Variants in SNTB2 observed in about 807,000 individuals in gnomAD.
SNTB2 encodes the protein beta-2-syntrophin.
SNTB2 carries 34 observed loss-of-function variants against 46.2 expected under a neutral mutation model. The ratio of observed to expected loss-of-function variants is 0.74; its 90% CI spans 0.56 to 0.98. The LOEUF (loss-of-function observed/expected upper bound fraction) is 0.98. SNTB2 is among the 50% of genes least tolerant of loss of function. SNTB2 has a pLI of 0.00. For missense variants in SNTB2, 603 were observed against 731.4 expected (o/e 0.82, Z 2.02); for synonymous variants, 290 against 312.6 (o/e 0.93, Z 0.76).
chr16:69,246,989 G>A (rs1356043681), intron 2 of SNTB2, among the ~76,000 whole-genome samples: 1 of 149,770 alleles, frequency 6.7e-6, no homozygotes, highest in African/African-American at 2.5e-5. Context: ...CATGGCACAT[G>A]TATATATATG....
intron 1 of SNTB2, chr16:69,240,550 T>C (rs981827136): frequency 7.9e-5 from 12 of 152,232 alleles, no homozygotes; most frequent in African/African-American, 2.7e-4. Flanking sequence ...ACATAACTCA[T>C]TCCTGTGCAA....
chr16:69,206,816 A>G (rs2152291069), intron 1 of SNTB2, among the ~76,000 whole-genome samples: 1 of 151,822 alleles, frequency 6.6e-6, no homozygotes, highest in East Asian at 1.9e-4. Context: ...CCCAGGCTGG[A>G]GTGCAGTGGC....
intron 1 of SNTB2, among the ~76,000 whole-genome samples, chr16:69,188,688 T>G (rs2152287871): frequency 6.6e-6 from 1 of 152,328 alleles, no homozygotes. Flanking sequence ...TTTCTTTCAC[T>G]GGTGATTATG....
intron 5 of SNTB2, among the ~76,000 whole-genome samples, chr16:69,296,101 GA>G (rs1201822738): frequency 1.3e-5 from 2 of 151,990 alleles, no homozygotes; most frequent in East Asian, 3.9e-4. Flanking sequence ...CCAACATGGA[GA>G]AACCCCATCT....
At chr16:69,187,991 A>T (rs1234431536) in intron 1 of SNTB2, among the ~76,000 whole-genome samples, 3 of 152,144 alleles carry the variant, frequency 2.0e-5, no homozygotes, top group Non-Finnish European at 4.4e-5. Flanking sequence ...GCAGCTGCCT[A>T]TGAAGCCCCA....
chr16:69,281,108 A>G (rs1965038853), intron 4 of SNTB2, among the ~76,000 whole-genome samples: 1 of 152,164 alleles, frequency 6.6e-6, no homozygotes, highest in South Asian at 2.1e-4. Flanking sequence ...TTCTCTTAAC[A>G]GTATTTTTTG....
chr16:69,211,980 C>G (rs1379948957), intron 1 of SNTB2, among the ~76,000 whole-genome samples: 3 of 152,090 alleles, frequency 2.0e-5, no homozygotes, highest in Non-Finnish European at 4.4e-5. Flanking sequence ...CTTGGTAGCT[C>G]TTTAAGGAAG....
At chr16:69,209,148 A>T (rs1447709226) in intron 1 of SNTB2, among the ~76,000 whole-genome samples, 1 of 152,000 alleles carries the variant, frequency 6.6e-6, no homozygotes, top group African/African-American at 2.4e-5. Context: ...ATTTTCTTGT[A>T]TTTTTAGTAG....
At chr16:69,238,310 G>A (rs774727994) in intron 1 of SNTB2, among the ~76,000 whole-genome samples, 49 of 152,128 alleles carry the variant, frequency 3.2e-4, no homozygotes, top group Non-Finnish European at 6.3e-4. Context: ...TTTCTTCTGG[G>A]TTTGGTACCC....
At chr16:69,207,070 T>C (rs1409150876) in intron 1 of SNTB2, among the ~76,000 whole-genome samples, 1 of 150,184 alleles carries the variant, frequency 6.7e-6, no homozygotes, top group Non-Finnish European at 1.5e-5. Flanking sequence ...CGCCTGGCCT[T>C]GCATTTTTAT....
chr16:69,241,473 G>A (rs1004460950), intron 1 of SNTB2, among the ~76,000 whole-genome samples: 2 of 148,756 alleles, frequency 1.3e-5, no homozygotes, highest in African/African-American at 4.9e-5. Context: ...ACCATGCTCA[G>A]CACCAGCCTA....
chr16:69,187,338 G>A lies in SNTB2; in HGVS notation c.172G>A (p.Glu58Lys), dbSNP rs1208457500. 1 of 1,444,294 alleles carries A rather than the reference G, an allele frequency of 6.9e-7. No homozygotes were observed. Among genetic ancestry groups the A allele is most frequent in the Non-Finnish European group, 9.1e-7 (1 of 1,100,260 alleles). The allele number at this position is 1,444,294 out of a possible 1,614,324, so 89.5% of individuals were successfully genotyped here. A position where few individuals can be genotyped will look rare whatever the true frequency, so the allele number is the denominator to read the frequency against. ...LSLTGDAAAA[E>K]LEPALGPAAA... ...CCTGACGGGCGACGCCGCCGCGGCC[G>A]AGCTGGAGCCCGCTCTGGGACCCGC... Residue 58 changes from glutamate (E) to lysine (K), a missense_variant, in exon 1 of 7, where the codon GAG (glutamate) becomes AAG (lysine). Physicochemically the swap from Glu to Lys is moderately conservative, Grantham distance 56. This residue lies in a region of SNTB2 where 537 missense variants were observed against 692.4 expected (regional missense o/e 0.78). Coordinates refer to ENST00000336278, the MANE Select transcript of SNTB2 (RefSeq NM_006750.4).
chr16:69,206,957 G>C (rs1481570853), intron 1 of SNTB2, among the ~76,000 whole-genome samples: 1 of 151,488 alleles, frequency 6.6e-6, no homozygotes, highest in Non-Finnish European at 1.5e-5. Context: ...AGTAGAGATG[G>C]GGTTTCACCA....
intron 1 of SNTB2, among the ~76,000 whole-genome samples, chr16:69,237,639 G>A (rs374462163): frequency 1.1e-4 from 11 of 104,096 alleles, no homozygotes; most frequent in East Asian, 5.0e-4. Context: ...GTTTTGCTCT[G>A]TTACCCAGGC....
chr16:69,205,095 G>T (rs996099131), intron 1 of SNTB2, among the ~76,000 whole-genome samples: 9 of 151,546 alleles, frequency 5.9e-5, no homozygotes, highest in African/African-American at 2.2e-4. Context: ...GGGAGGAAAT[G>T]TTGTGTACTT....
chr16:69,198,547 C>T (rs1215040489), intron 1 of SNTB2, among the ~76,000 whole-genome samples: 1 of 152,096 alleles, frequency 6.6e-6, no homozygotes, highest in Admixed American at 6.6e-5. Context: ...ATGTTTCCTC[C>T]CATTATTCTC....
rs967504091 is a variant in SNTB2 at position 69,307,068 on chromosome 16, A to G, written c.*6144A>G. ...TGGAAAGCTAATTAATGACATATTCATGTGTTCTTTCATCTAATAAACATT... is the reference window on the plus strand; with the variant it reads ...TGGAAAGCTAATTAATGACATATTCGTGTGTTCTTTCATCTAATAAACATT... On this transcript the variant is annotated 3_prime_UTR_variant, in exon 7 of 7. Transcript: ENST00000336278. 1.3e-5 allele frequency: 2 copies of G among 152,262 alleles called. No homozygotes were observed. Among genetic ancestry groups the G allele is most frequent in the African/African-American group, 2.4e-5 (1 of 41,478 alleles). 9.4% of individuals were successfully genotyped at this position (152,262 alleles called of 1,614,324 possible).
At chr16:69,266,170 G>A (rs1964881707) in intron 3 of SNTB2, among the ~76,000 whole-genome samples, 1 of 152,146 alleles carries the variant, frequency 6.6e-6, no homozygotes, top group Non-Finnish European at 1.5e-5. Context: ...TTCGAGACCA[G>A]CCTGGCCAAC....
At chr16:69,284,496 G>A (rs550661364) in intron 5 of SNTB2, among the ~76,000 whole-genome samples, 2 of 112,664 alleles carry the variant, frequency 1.8e-5, no homozygotes, top group African/African-American at 3.9e-5. Flanking sequence ...AAAAAAATCC[G>A]TGCACAGTGG....
Sources: allele counts gnomAD v4.1 joint callset (sites outside exome capture counted in the v4.1 genomes callset), GRCh38; gene constraint gnomAD v4.1.1; regional missense constraint gnomAD v4.1.1; transcripts MANE v1.5; gene names NCBI Gene and HGNC (gene_info 2026-07-23, HGNC 2026-07-21).